The following SPSB1 variants were observed in gnomAD, a reference collection of about 807,000 sequenced individuals.
SPSB1 encodes SPRY domain-containing SOCS box protein 1.
A neutral mutation model predicts 21.2 loss-of-function variants in SPSB1; 8 were observed. The observed-to-expected ratio is 0.38, with a 90% CI of 0.22 to 0.68. SPSB1 has a LOEUF of 0.68. Ranked by LOEUF, SPSB1 falls within the 30% of genes least tolerant of loss-of-function variation. The probability of loss-of-function intolerance (pLI) is 0.53; values close to 1 mark genes in which losing one functional copy is unlikely to be tolerated. For missense variants in SPSB1, 242 were observed against 377.8 expected (o/e 0.64, Z 2.98); for synonymous variants, 169 against 161.7 (o/e 1.05, Z -0.34).
At chr1:9,347,175 TA>T (rs1640177964) in intron 1 of SPSB1, among the ~76,000 whole-genome samples, 1 of 152,196 alleles carries the variant, frequency 6.6e-6, no homozygotes, top group South Asian at 2.1e-4. Context: ...AAAAGCGTTT[TA>T]AACGCCCTTC....
intron 1 of SPSB1, among the ~76,000 whole-genome samples, chr1:9,333,000 A>G (rs933349179): frequency 2.6e-5 from 4 of 152,212 alleles, no homozygotes; most frequent in African/African-American, 9.6e-5. Context: ...ACTTGGTTTC[A>G]GTGCTCTCCA....
chr1:9,299,602 C>A (rs1248622579), intron 1 of SPSB1, among the ~76,000 whole-genome samples: 2 of 152,088 alleles, frequency 1.3e-5, no homozygotes, highest in Non-Finnish European at 2.9e-5. Flanking sequence ...GCTTCAGCCT[C>A]CTGAGTAGCT....
intron 1 of SPSB1, among the ~76,000 whole-genome samples, chr1:9,322,866 C>CATCATA (rs1639743353): frequency 7.2e-6 from 1 of 139,268 alleles, no homozygotes; most frequent in Non-Finnish European, 1.6e-5. Context: ...CCAGCCCGCA[C>CATCATA]CCACCCCACC....
intron 2 of SPSB1, among the ~76,000 whole-genome samples, chr1:9,359,678 G>A (rs1308830564): frequency 6.8e-6 from 1 of 146,938 alleles, no homozygotes; most frequent in Non-Finnish European, 1.5e-5. Flanking sequence ...CTCTAGCCTG[G>A]GCAACAGAGC....
At chr1:9,354,984 C>T (rs1640339122) in intron 1 of SPSB1, among the ~76,000 whole-genome samples, 1 of 152,070 alleles carries the variant, frequency 6.6e-6, no homozygotes, top group Non-Finnish European at 1.5e-5. Context: ...CTGTTGAGAC[C>T]CAGAGGGCGA....
At chr1:9,330,503 G>A (rs1639897214) in intron 1 of SPSB1, among the ~76,000 whole-genome samples, 1 of 147,788 alleles carries the variant, frequency 6.8e-6, no homozygotes, top group Non-Finnish European at 1.5e-5. Flanking sequence ...ATAAAGATTT[G>A]CCAGTCTCCT....
At chr1:9,357,363 G>T (rs1640389817) in intron 2 of SPSB1, among the ~76,000 whole-genome samples, 1 of 152,186 alleles carries the variant, frequency 6.6e-6, no homozygotes, top group Admixed American at 6.5e-5. Flanking sequence ...ATGGATAAAT[G>T]GATAGATGGA....
chr1:9,354,322 A>T (rs1640325368), intron 1 of SPSB1, among the ~76,000 whole-genome samples: 1 of 152,158 alleles, frequency 6.6e-6, no homozygotes, highest in East Asian at 1.9e-4. Context: ...AGGCTCCAAC[A>T]GCCTCCCGCC....
Position 9,367,657 on chromosome 1 carries a change from C to A in SPSB1, c.*82C>A. On this transcript the variant is annotated 3_prime_UTR_variant, in exon 3 of 3. Transcript: ENST00000328089. This position sits in a 1 kb window ranked among gnomAD's most constrained non-coding sequence, Gnocchi z 5.9. The stretch of plus-strand genomic sequence containing the variant: ...CTGCCGCTGGGGCCGCCGCACCCTG[C>A]ACCTTGGACCGGCATCCGTAGCCAT... 1 of 1,485,674 alleles carries A rather than the reference C, an allele frequency of 6.7e-7. No individual in the cohort carries two copies. Among genetic ancestry groups the A allele is most frequent in the Non-Finnish European group, 9.0e-7 (1 of 1,114,934 alleles). 92.0% of individuals were successfully genotyped at this position (1,485,674 alleles called of 1,614,324 possible).
chr1:9,298,864 C>T (rs929065305), intron 1 of SPSB1, among the ~76,000 whole-genome samples: 7 of 152,178 alleles, frequency 4.6e-5, no homozygotes, highest in African/African-American at 9.7e-5. Context: ...CTGCCTTGTG[C>T]GGTGAGGGCT....
At position 9,305,115 on chromosome 1, in the gene SPSB1, C is replaced by T. The variant is rs1639390424; in HGVS notation, c.-150+12044C>T. ...CTCGCCCTTGTGGCCCATCTGCCCC[C>T]TCAGGAGAGTCCCTCTCCTCCCTTA... On this transcript the variant is annotated intron_variant, in intron 1 of 2. Coordinates refer to ENST00000328089, the MANE Select transcript of SPSB1 (RefSeq NM_025106.4). The surrounding 1 kb of genome is among the most constrained non-coding windows in gnomAD (Gnocchi z 4.8). Among the ~76,000 whole-genome samples the T allele has an allele frequency of 6.6e-6, 1 of 152,194 alleles. No homozygotes were observed. Among genetic ancestry groups the T allele is most frequent in the South Asian group, 2.1e-4 (1 of 4,828 alleles).
At chr1:9,358,605 C>T (rs747304455) in intron 2 of SPSB1, among the ~76,000 whole-genome samples, 2 of 152,232 alleles carry the variant, frequency 1.3e-5, no homozygotes, top group African/African-American at 4.8e-5. Flanking sequence ...CCCTGCCTCC[C>T]TCCTCCCAGC....
rs545100336 is a variant in SPSB1 at position 9,322,337 on chromosome 1, G to A, written c.-150+29266G>A. On this transcript the variant is annotated intron_variant, in intron 1 of 2. Coordinates refer to ENST00000328089, the MANE Select transcript of SPSB1 (RefSeq NM_025106.4). ...TCGGAAAGTCTCTCAGGTTATAGCC[G>A]GTAAGGGCAGAGCTGGGATTAGAAC... 8.5e-5 allele frequency among the ~76,000 whole-genome samples: 13 copies of A among 152,270 alleles called. No individual in the cohort carries two copies. The South Asian group carries it at 1.7e-3, about 19-fold the overall frequency.
chr1:9,316,653 G>A (rs1569585309), intron 1 of SPSB1, among the ~76,000 whole-genome samples: 1 of 152,346 alleles, frequency 6.6e-6, no homozygotes, highest in East Asian at 1.9e-4. Flanking sequence ...CCATCTTGGG[G>A]CACAGGCGCA....
At chr1:9,323,186 C>T (rs182010797) in intron 1 of SPSB1, among the ~76,000 whole-genome samples, 4 of 152,334 alleles carry the variant, frequency 2.6e-5, no homozygotes, top group East Asian at 3.9e-4. Context: ...GCCTCTGTCC[C>T]GGCACTCAGC....
At position 9,293,125 on chromosome 1, in the gene SPSB1, G is replaced by T. The variant is rs187506632; in HGVS notation, c.-150+54G>T. The T allele has an allele frequency of 1.8e-5, 18 of 979,446 alleles. No individual in the cohort carries two copies. The highest frequency in any genetic ancestry group is 2.2e-5 in the Non-Finnish European group (18 of 826,160). The allele number at this position is 979,446 out of a possible 1,614,324, so 60.7% of individuals were successfully genotyped here. On this transcript the variant is annotated intron_variant, in intron 1 of 2. Coordinates refer to ENST00000328089, the MANE Select transcript of SPSB1 (RefSeq NM_025106.4). The surrounding 1 kb of genome is among the most constrained non-coding windows in gnomAD (Gnocchi z 5.1). ...GATGGGTGGGCGACCGGCCCGGGAG[G>T]GGGAGGCGCGGGGGGCCGGGCGAGG...
intron 1 of SPSB1, among the ~76,000 whole-genome samples, chr1:9,328,062 G>A (rs1335993822): frequency 1.3e-5 from 2 of 152,230 alleles, no homozygotes; most frequent in African/African-American, 4.8e-5. Flanking sequence ...ACTTTTCAGA[G>A]AGTTCGCTTA....
chr1:9,301,711 C>T (rs1195991250), intron 1 of SPSB1, among the ~76,000 whole-genome samples: 1 of 152,188 alleles, frequency 6.6e-6, no homozygotes, highest in African/African-American at 2.4e-5. Flanking sequence ...GGAGGTGATG[C>T]ATGGGCTCAG....
intron 1 of SPSB1, among the ~76,000 whole-genome samples, chr1:9,302,331 C>T (rs985578516): frequency 6.6e-6 from 1 of 152,190 alleles, no homozygotes; most frequent in Admixed American, 6.5e-5. Flanking sequence ...TGAGCCTGTC[C>T]CTTTTCTGCT....
Sources: allele counts gnomAD v4.1 joint callset (sites outside exome capture counted in the v4.1 genomes callset), GRCh38; gene constraint gnomAD v4.1.1; non-coding constraint Gnocchi (gnomAD v3.1); transcripts MANE v1.5; gene names NCBI Gene and HGNC (gene_info 2026-07-23, HGNC 2026-07-21).